The following OSBP2 variants were observed in gnomAD, a reference collection of about 807,000 sequenced individuals.
OSBP2 encodes oxysterol binding protein 2.
Under a neutral mutation model 96.0 loss-of-function variants are expected in OSBP2, and 66 were observed. The ratio of observed to expected loss-of-function variants is 0.69; its 90% CI spans 0.56 to 0.84. The LOEUF (loss-of-function observed/expected upper bound fraction) is 0.84, where lower values mean the gene tolerates loss of function less well. OSBP2 is among the 40% of genes least tolerant of loss of function. The probability of loss-of-function intolerance (pLI) is 0.00; values close to 1 mark genes in which losing one functional copy is unlikely to be tolerated. For synonymous variants in OSBP2, 525 were observed against 520.9 expected (o/e 1.01, Z -0.11); for missense variants, 1,038 against 1,222.7 (o/e 0.85, Z 2.25).
chr22:30,742,977 C>T (rs1380463646), intron 2 of OSBP2, among the ~76,000 whole-genome samples: 2 of 152,198 alleles, frequency 1.3e-5, no homozygotes, highest in African/African-American at 2.4e-5. Context: ...CACACACCTC[C>T]CACAGCCTTG....
intron 2 of OSBP2, among the ~76,000 whole-genome samples, chr22:30,858,186 CCGGACTG>C (rs1425770027): frequency 6.9e-6 from 1 of 145,320 alleles, no homozygotes; most frequent in Non-Finnish European, 1.5e-5. Flanking sequence ...GTCGCCCAGG[CCGGACTG>C]CGGACTGCAG....
intron 1 of OSBP2, among the ~76,000 whole-genome samples, chr22:30,717,090 T>TTTTTTTTTTTTG (rs71328866): frequency 1.7e-5 from 2 of 118,320 alleles, no homozygotes; most frequent in African/African-American, 6.4e-5. Context: ...TTTACTGTTT[T>TTTTTTTTTTTTG]TGTGTGTGTG....
intron 2 of OSBP2, among the ~76,000 whole-genome samples, chr22:30,744,468 A>C (rs1005928248): frequency 6.6e-6 from 1 of 152,158 alleles, no homozygotes; most frequent in Non-Finnish European, 1.5e-5. Context: ...ACTTCTGCTT[A>C]TCTCTTGAAA....
At chr22:30,882,036 C>G (rs2039714251) in intron 3 of OSBP2, among the ~76,000 whole-genome samples, 1 of 152,194 alleles carries the variant, frequency 6.6e-6, no homozygotes, top group Non-Finnish European at 1.5e-5. Context: ...CTAGGGACTT[C>G]CTGTCTCCCT....
At chr22:30,768,796 G>T (rs747937646) in intron 2 of OSBP2, among the ~76,000 whole-genome samples, 4 of 152,214 alleles carry the variant, frequency 2.6e-5, no homozygotes, top group Non-Finnish European at 5.9e-5. Context: ...TAACTAGAGG[G>T]CATAATAGCA....
intron 12 of OSBP2, among the ~76,000 whole-genome samples, chr22:30,896,823 T>A (rs1318123278): frequency 2.0e-5 from 3 of 152,022 alleles, no homozygotes; most frequent in Non-Finnish European, 4.4e-5. Flanking sequence ...TTTTTAAAAA[T>A]TTTTTATAGA....
intron 2 of OSBP2, among the ~76,000 whole-genome samples, chr22:30,848,403 T>C (rs2038913635): frequency 6.6e-6 from 1 of 152,244 alleles, no homozygotes; most frequent in Non-Finnish European, 1.5e-5. Context: ...ACTGGATCAG[T>C]AAATGGTTGT....
At chr22:30,809,030 A>C (rs1361758637) in intron 2 of OSBP2, among the ~76,000 whole-genome samples, 1 of 152,208 alleles carries the variant, frequency 6.6e-6, no homozygotes, top group Non-Finnish European at 1.5e-5. Flanking sequence ...GGGGAAGGTC[A>C]TGTGAAGTCA....
intron 2 of OSBP2, among the ~76,000 whole-genome samples, chr22:30,830,344 G>A (rs887841945): frequency 2.6e-5 from 4 of 152,224 alleles, no homozygotes; most frequent in Non-Finnish European, 2.9e-5. Context: ...GGTGTGTCAA[G>A]GCGGAAGGAG....
At chr22:30,894,830 C>T (rs564115057) in intron 12 of OSBP2, among the ~76,000 whole-genome samples, 13 of 152,206 alleles carry the variant, frequency 8.5e-5, no homozygotes, top group South Asian at 6.2e-4. Context: ...TGATATCTTC[C>T]GTGAGTTGAA....
At chr22:30,891,602 G>A (rs56683450) in intron 8 of OSBP2, among the ~76,000 whole-genome samples, 5,782 of 152,266 alleles carry the variant, frequency 0.038, 168 homozygotes, top group East Asian at 0.11. Flanking sequence ...GCAAGGCCCC[G>A]TTAGGAGGTG....
chr22:30,842,688 T>G (rs2038777130), intron 2 of OSBP2: 1 of 158,556 alleles, frequency 6.3e-6, no homozygotes, highest in Admixed American at 6.4e-5. Context: ...AGATTTCATC[T>G]CAAGAAACCA....
At chr22:30,845,377 C>T (rs528017770) in intron 2 of OSBP2, among the ~76,000 whole-genome samples, 33 of 152,006 alleles carry the variant, frequency 2.2e-4, no homozygotes, top group African/African-American at 7.2e-4. Flanking sequence ...GAGCTGAGAT[C>T]GTGCCATTGC....
At chr22:30,786,772 G>A (rs1250135351) in intron 2 of OSBP2, among the ~76,000 whole-genome samples, 2 of 152,052 alleles carry the variant, frequency 1.3e-5, no homozygotes, top group East Asian at 3.9e-4. Context: ...GGAGAGACTA[G>A]CAGGGCAAAA....
chr22:30,761,994 G>A (rs1007021098), intron 2 of OSBP2, among the ~76,000 whole-genome samples: 2 of 152,168 alleles, frequency 1.3e-5, no homozygotes, highest in Non-Finnish European at 2.9e-5. Flanking sequence ...GCCGAGGCGG[G>A]TGGATCACTT....
intron 3 of OSBP2, among the ~76,000 whole-genome samples, chr22:30,877,259 T>C (rs1284636991): frequency 6.6e-6 from 1 of 152,214 alleles, no homozygotes; most frequent in Non-Finnish European, 1.5e-5. Context: ...TTTTTGACTC[T>C]GATAAAAGCT....
At chr22:30,694,859 C>A, upstream of OSBP2, 2 of 880,566 alleles carry the variant, frequency 2.3e-6, no homozygotes, top group Non-Finnish European at 2.9e-6. Context: ...CGCCCCCGGC[C>A]TGCCCCCCGC....
At chr22:30,821,491 C>G (rs1198963074) in intron 2 of OSBP2, among the ~76,000 whole-genome samples, 2 of 152,064 alleles carry the variant, frequency 1.3e-5, no homozygotes, top group African/African-American at 4.8e-5. Flanking sequence ...AAGTCACAGA[C>G]GACTCCAGAG....
intron 2 of OSBP2, among the ~76,000 whole-genome samples, chr22:30,853,774 C>CTT (rs35208155): frequency 2.2e-5 from 3 of 138,608 alleles, no homozygotes; most frequent in Non-Finnish European, 3.1e-5. Flanking sequence ...TTCTTTCTTT[C>CTT]TTTTTTTTTT....
Sources: gnomAD v4.1 joint callset for allele counts (sites outside exome capture counted in the v4.1 genomes callset) on GRCh38, gnomAD v4.1.1 for gene constraint, MANE v1.5 for transcripts, NCBI Gene and HGNC (gene_info 2026-07-23, HGNC 2026-07-21) for gene names.